The following NRXN1 variants were observed in gnomAD, a reference collection of about 807,000 sequenced individuals.
NRXN1 encodes the protein neurexin 1.
NRXN1 carries 39 observed loss-of-function variants against 150.9 expected under a neutral mutation model. That is an observed-to-expected ratio of 0.26 (90% CI 0.20 to 0.34). NRXN1 has a LOEUF of 0.34. NRXN1 is among the 10% of genes least tolerant of loss of function. The pLI, the probability that NRXN1 is intolerant of heterozygous loss-of-function variation, is 1.00. For synonymous variants in NRXN1, 924 were observed against 757.0 expected (o/e 1.22, Z -3.62); for missense variants, 1,815 against 1,949.9 (o/e 0.93, Z 1.30).
At position 50,712,358 on chromosome 2, in the gene NRXN1, C is replaced by T. The variant is rs180971034; in HGVS notation, c.833-88743G>A. ...AAAAAATTGTTCAAGCACAAACTTACATTACAAAACCTTTCAGATTCTTCA... is the reference window on the plus strand; with the variant it reads ...AAAAAATTGTTCAAGCACAAACTTATATTACAAAACCTTTCAGATTCTTCA... On this transcript the variant is annotated intron_variant, in intron 5 of 22. Coordinates refer to ENST00000401669, the MANE Select transcript of NRXN1 (RefSeq NM_001330078.2). Among the ~76,000 whole-genome samples the T allele has an allele frequency of 6.1e-4, 93 of 152,222 alleles. 1 individual carries two copies. Among genetic ancestry groups the T allele is most frequent in the Non-Finnish European group, 2.9e-5 (2 of 68,000 alleles).
intron 5 of NRXN1, among the ~76,000 whole-genome samples, chr2:50,853,053 C>T (rs1175981583): frequency 6.6e-6 from 1 of 152,108 alleles, no homozygotes; most frequent in Non-Finnish European, 1.5e-5. Flanking sequence ...TCTCAGTGTC[C>T]ACTATTGAAG....
At chr2:50,340,749 CAAG>C (rs1209283856) in intron 17 of NRXN1, among the ~76,000 whole-genome samples, 5 of 152,084 alleles carry the variant, frequency 3.3e-5, no homozygotes, top group Admixed American at 1.3e-4. Context: ...AAAAACGAAA[CAAG>C]AATATGAATG....
chr2:50,453,661 T>C (rs1371541959), intron 17 of NRXN1, among the ~76,000 whole-genome samples: 1 of 152,078 alleles, frequency 6.6e-6, no homozygotes. Context: ...GAAAGAAAAA[T>C]CACCAAGAAC....
chr2:50,462,690 A>C (rs1343820221), intron 17 of NRXN1, among the ~76,000 whole-genome samples: 1 of 151,846 alleles, frequency 6.6e-6, no homozygotes, highest in Non-Finnish European at 1.5e-5. Flanking sequence ...ACATTTCATT[A>C]AAAATAGCCT....
intron 5 of NRXN1, among the ~76,000 whole-genome samples, chr2:50,714,973 A>T (rs1302675241): frequency 2.6e-5 from 4 of 152,174 alleles, no homozygotes; most frequent in Non-Finnish European, 4.4e-5. Flanking sequence ...TAATGTTATG[A>T]TGACAAAGAA....
At chr2:50,878,312 C>T (rs976540337) in intron 5 of NRXN1, among the ~76,000 whole-genome samples, 1 of 151,886 alleles carries the variant, frequency 6.6e-6, no homozygotes, top group African/African-American at 2.4e-5. Flanking sequence ...TTTAAATTTT[C>T]CCTGTGAGTA....
chr2:50,241,847 T>A (rs2066029281), intron 17 of NRXN1, among the ~76,000 whole-genome samples: 1 of 151,752 alleles, frequency 6.6e-6, no homozygotes, highest in Non-Finnish European at 1.5e-5. Flanking sequence ...ACGTCAATTC[T>A]GCAAAGGCTA....
At chr2:50,282,924 T>G (rs1366191304) in intron 17 of NRXN1, among the ~76,000 whole-genome samples, 1 of 152,184 alleles carries the variant, frequency 6.6e-6, no homozygotes, top group Non-Finnish European at 1.5e-5. Context: ...AATTAAAATC[T>G]TTGGCACAAG....
At chr2:50,750,437 G>C (rs1700466935) in intron 5 of NRXN1, among the ~76,000 whole-genome samples, 1 of 151,816 alleles carries the variant, frequency 6.6e-6, no homozygotes, top group South Asian at 2.1e-4. Flanking sequence ...AAAAGGAAGA[G>C]AAGAGAAAAG....
intron 5 of NRXN1, among the ~76,000 whole-genome samples, chr2:50,655,917 T>A (rs543889842): frequency 6.6e-6 from 1 of 151,926 alleles, no homozygotes; most frequent in African/African-American, 2.4e-5. Flanking sequence ...AATTGACATA[T>A]AAATGTGGTG....
At chr2:50,326,626 C>T (rs2076400732) in intron 17 of NRXN1, among the ~76,000 whole-genome samples, 1 of 152,104 alleles carries the variant, frequency 6.6e-6, no homozygotes, top group Non-Finnish European at 1.5e-5. Context: ...AGTAACACTA[C>T]TATTTAGTGT....
At chr2:51,016,068 A>G (rs1351941362) in intron 2 of NRXN1, among the ~76,000 whole-genome samples, 1 of 152,106 alleles carries the variant, frequency 6.6e-6, no homozygotes, top group African/African-American at 2.4e-5. Flanking sequence ...AAATAATGCC[A>G]CACATCTACA....
intron 18 of NRXN1, among the ~76,000 whole-genome samples, chr2:50,198,840 A>T (rs637738): frequency 0.041 from 6,248 of 152,206 alleles, 168 homozygotes; most frequent in Non-Finnish European, 0.065. Context: ...CCCTTGGGTG[A>T]GTGACTGTTG....
chr2:50,557,543 T>C (rs1668436032), intron 8 of NRXN1, among the ~76,000 whole-genome samples: 1 of 152,162 alleles, frequency 6.6e-6, no homozygotes, highest in Admixed American at 6.6e-5. Flanking sequence ...TTTTCAAACC[T>C]GTGACCTTGT....
At chr2:50,912,313 C>G (rs1574909927) in intron 5 of NRXN1, 2 of 151,374 alleles carry the variant, frequency 1.3e-5, no homozygotes, top group Admixed American at 6.6e-5. Context: ...AAAATGCATC[C>G]CAGGTGATTG....
At chr2:49,952,678 C>A (rs1674179370) in intron 21 of NRXN1, among the ~76,000 whole-genome samples, 1 of 152,044 alleles carries the variant, frequency 6.6e-6, no homozygotes, top group African/African-American at 2.4e-5. Flanking sequence ...TGACTTAGAA[C>A]ACTGCAGGCT....
intron 18 of NRXN1, among the ~76,000 whole-genome samples, chr2:50,137,062 G>C (rs1706522038): frequency 6.6e-6 from 1 of 152,150 alleles, no homozygotes; most frequent in Admixed American, 6.6e-5. Context: ...CTTTGATATA[G>C]CTTTGAAAGG....
At chr2:50,623,707 A>G in intron 5 of NRXN1, 92 bp from the exon 6 acceptor site, 1 of 825,726 alleles carries the variant, frequency 1.2e-6, no homozygotes, top group Non-Finnish European at 1.9e-6. Flanking sequence ...TCACTCCCCA[A>G]ATTAACCTGC....
At chr2:49,929,086 C>T (rs1031823903) in intron 22 of NRXN1, among the ~76,000 whole-genome samples, 4 of 152,118 alleles carry the variant, frequency 2.6e-5, no homozygotes, top group Non-Finnish European at 5.9e-5. Flanking sequence ...TAAGGGGCCA[C>T]CACTCTGATA....
Sources: gnomAD v4.1 joint callset for allele counts (sites outside exome capture counted in the v4.1 genomes callset) on GRCh38, gnomAD v4.1.1 for gene constraint, MANE v1.5 for transcripts, NCBI Gene and HGNC (gene_info 2026-07-23, HGNC 2026-07-21) for gene names.